MALRD1: variants seen among roughly 807,000 people sequenced by gnomAD.
MALRD1 encodes the protein MAM and LDL receptor class A domain containing 1, also known as MAM and LDL-receptor class A domain-containing protein 1.
A neutral mutation model predicts 242.1 loss-of-function variants in MALRD1; 247 were observed. The observed-to-expected ratio is 1.02, with a 90% CI of 0.92 to 1.13. The LOEUF (loss-of-function observed/expected upper bound fraction) is 1.13. MALRD1 is among the 50% of genes most tolerant of loss of function. The probability of loss-of-function intolerance (pLI) is 0.00; values close to 1 mark genes in which losing one functional copy is unlikely to be tolerated. For missense variants in MALRD1, 2,989 were observed against 2,533.1 expected (o/e 1.18, Z -3.86); for synonymous variants, 995 against 866.6 (o/e 1.15, Z -2.60).
At chr10:19,149,567 G>C (rs554339765) in intron 11 of MALRD1, among the ~76,000 whole-genome samples, 64 of 152,132 alleles carry the variant, frequency 4.2e-4, no homozygotes, top group African/African-American at 1.5e-3. Context: ...TGTTTCTGTG[G>C]TTGTTTGTTT....
intron 20 of MALRD1, among the ~76,000 whole-genome samples, chr10:19,282,618 C>T (rs751725703): frequency 9.9e-5 from 15 of 152,066 alleles, no homozygotes; most frequent in East Asian, 9.6e-4. Flanking sequence ...TTGGAAACCT[C>T]GTTGCTTAAA....
intron 29 of MALRD1, chr10:19,489,352 G>A (rs1837380427): frequency 1.8e-6 from 1 of 542,416 alleles, no homozygotes; most frequent in East Asian, 4.8e-5. Context: ...GGAAAACTGA[G>A]GAGAGTCCAG....
chr10:19,500,986 G>A (rs1338212917), intron 31 of MALRD1, among the ~76,000 whole-genome samples: 1 of 152,164 alleles, frequency 6.6e-6, no homozygotes, highest in Non-Finnish European at 1.5e-5. Flanking sequence ...TGGCTTATTA[G>A]AAGTTAAGGG....
intron 21 of MALRD1, among the ~76,000 whole-genome samples, chr10:19,319,431 T>C (rs1415517368): frequency 1.3e-5 from 2 of 152,164 alleles, no homozygotes; most frequent in East Asian, 1.9e-4. Context: ...ATAAATCAGA[T>C]GTCCAAATAC....
intron 5 of MALRD1, among the ~76,000 whole-genome samples, chr10:19,104,775 C>T (rs540892560): frequency 2.6e-5 from 4 of 151,870 alleles, no homozygotes; most frequent in Non-Finnish European, 5.9e-5. Flanking sequence ...CAGTTTGGTA[C>T]AAAGATATAG....
chr10:19,086,459 A>G (rs1835671906), intron 2 of MALRD1, among the ~76,000 whole-genome samples: 1 of 152,066 alleles, frequency 6.6e-6, no homozygotes, highest in Admixed American at 6.6e-5. Flanking sequence ...ATAAAGCATC[A>G]CAGGAAATCT....
intron 32 of MALRD1, among the ~76,000 whole-genome samples, chr10:19,546,106 C>T (rs3916206): frequency 0.069 from 10,502 of 152,100 alleles, 1,038 homozygotes; most frequent in African/African-American, 0.22. Context: ...TGTAGTGTCT[C>T]TGTTTTACAG....
At chr10:19,168,810 C>T (rs147232356) in intron 13 of MALRD1, among the ~76,000 whole-genome samples, 1,852 of 152,214 alleles carry the variant, frequency 0.012, 14 homozygotes, top group Non-Finnish European at 0.02. Flanking sequence ...CTTTTTCTCT[C>T]CAATCAGCCT....
chr10:19,341,468 A>G (rs1843853430), intron 24 of MALRD1, among the ~76,000 whole-genome samples: 1 of 82,894 alleles, frequency 1.2e-5, no homozygotes, highest in South Asian at 3.5e-4. Context: ...ATATATGTAT[A>G]TATGTATATA....
intron 26 of MALRD1, among the ~76,000 whole-genome samples, chr10:19,380,422 A>T (rs1845788950): frequency 1.3e-5 from 2 of 151,648 alleles, no homozygotes; most frequent in Admixed American, 1.3e-4. Flanking sequence ...GATTTGTATG[A>T]ATTATTCCCC....
At chr10:19,551,468 T>C (rs1835465458) in intron 32 of MALRD1, among the ~76,000 whole-genome samples, 1 of 152,226 alleles carries the variant, frequency 6.6e-6, no homozygotes, top group Non-Finnish European at 1.5e-5. Context: ...CTTTAGACTT[T>C]ACTGAAGTTG....
chr10:19,049,202 C>A, intron 1 of MALRD1, 65 bp downstream of exon 1: 1 of 1,201,444 alleles, frequency 8.3e-7, no homozygotes, highest in Non-Finnish European at 1.0e-6. Context: ...GGCCTCTGAG[C>A]AGTCTGGGAG....
At chr10:19,269,081 T>C (rs1405049379) in intron 19 of MALRD1, among the ~76,000 whole-genome samples, 1 of 152,212 alleles carries the variant, frequency 6.6e-6, no homozygotes, top group African/African-American at 2.4e-5. Flanking sequence ...GTTCTTTGTT[T>C]AAAGAGACTT....
intron 28 of MALRD1, among the ~76,000 whole-genome samples, chr10:19,446,017 C>T (rs1256398740): frequency 6.6e-6 from 1 of 152,150 alleles, no homozygotes; most frequent in Non-Finnish European, 1.5e-5. Flanking sequence ...CTCCTTCAGC[C>T]TCTCAGTTCA....
At chr10:19,561,641 G>A (rs1209611242) in intron 32 of MALRD1, among the ~76,000 whole-genome samples, 1 of 152,040 alleles carries the variant, frequency 6.6e-6, no homozygotes, top group African/African-American at 2.4e-5. Flanking sequence ...ATTTTTAAAT[G>A]GGGTTATGAT....
At chr10:19,440,518 G>A (rs879251278) in intron 28 of MALRD1, among the ~76,000 whole-genome samples, 5 of 151,900 alleles carry the variant, frequency 3.3e-5, no homozygotes, top group South Asian at 2.1e-4. Flanking sequence ...AACAGGACCC[G>A]ATGTGTGATG....
intron 26 of MALRD1, among the ~76,000 whole-genome samples, chr10:19,355,932 TAA>T (rs1476575985): frequency 6.8e-6 from 1 of 146,424 alleles, no homozygotes; most frequent in Non-Finnish European, 1.5e-5. Flanking sequence ...ATATCATATA[TAA>T]TATATATATG....
At chr10:19,719,230 A>ATATATG (rs1834607648) in intron 38 of MALRD1, among the ~76,000 whole-genome samples, 1 of 31,642 alleles carries the variant, frequency 3.2e-5, no homozygotes, top group African/African-American at 1.9e-4. Context: ...ATACATATAT[A>ATATATG]TATATATATA....
chr10:19,203,965 T>G, intron 15 of MALRD1, 85 bp downstream of exon 15: 35 of 1,447,748 alleles, frequency 2.4e-5, no homozygotes, highest in Non-Finnish European at 3.0e-5. Flanking sequence ...AGTACGGTTC[T>G]GTGATAACTA....
Sources: allele counts gnomAD v4.1 joint callset (sites outside exome capture counted in the v4.1 genomes callset), GRCh38; gene constraint gnomAD v4.1.1; transcripts MANE v1.5; gene names NCBI Gene and HGNC (gene_info 2026-07-23, HGNC 2026-07-21).